The following DAB1 variants were observed in gnomAD, a reference collection of about 807,000 sequenced individuals.
DAB1 encodes disabled homolog 1.
Under a neutral mutation model 64.6 loss-of-function variants are expected in DAB1, and 15 were observed. That is an observed-to-expected ratio of 0.23 (90% CI 0.16 to 0.36). DAB1 has a LOEUF of 0.36. DAB1 is among the 10% of genes least tolerant of loss of function. The pLI is 1.00. For missense variants in DAB1, 596 were observed against 706.7 expected (o/e 0.84, Z 1.78); for synonymous variants, 235 against 251.9 (o/e 0.93, Z 0.64).
intron 5 of DAB1, among the ~76,000 whole-genome samples, chr1:57,948,561 C>T (rs1241341793): frequency 2.6e-5 from 4 of 152,270 alleles, no homozygotes; most frequent in East Asian, 3.9e-4. Context: ...TGAGTCTAGT[C>T]GATTCTAGCC....
Position 58,083,092 on chromosome 1 carries a change from G to A in DAB1, n.387+67419C>T, listed in dbSNP as rs1239207822. 2.6e-5 allele frequency among the ~76,000 whole-genome samples: 4 copies of A among 152,258 alleles called. No individual in the cohort carries two copies. In the South Asian group the frequency reaches 6.2e-4, roughly 24 times the overall value. On this transcript the variant is annotated intron_variant and non_coding_transcript_variant, in intron 5 of 20. Coordinates refer to the DAB1 transcript ENST00000485760. Reference sequence around the variant, plus strand: ...TTTCTCCTCAGCTCTGAGTGAAGGCGCAAACATTTCTTTACATCTTTTCCC... The same window carrying A: ...TTTCTCCTCAGCTCTGAGTGAAGGCACAAACATTTCTTTACATCTTTTCCC...
chr1:58,171,967 T>A (rs533114), intron 4 of DAB1, among the ~76,000 whole-genome samples: 80,205 of 152,148 alleles, frequency 0.53, 23,655 homozygotes, highest in East Asian at 0.86. Context: ...TACAGCCTGT[T>A]CTGGCTTATC....
intron 5 of DAB1, among the ~76,000 whole-genome samples, chr1:58,065,355 T>A (rs1485622331): frequency 6.6e-6 from 1 of 152,248 alleles, no homozygotes; most frequent in African/African-American, 2.4e-5. Context: ...ATAAGAATCT[T>A]ATATTTTAGC....
chr1:58,049,169 CG>C, intron 5 of DAB1: 3 of 778,306 alleles, frequency 3.9e-6, no homozygotes, highest in Non-Finnish European at 2.3e-6. Flanking sequence ...CCACACAGTC[CG>C]TGAGCGTTCC....
intron 7 of DAB1, among the ~76,000 whole-genome samples, chr1:57,540,088 C>T (rs750466573): frequency 2.0e-5 from 3 of 152,168 alleles, no homozygotes; most frequent in Non-Finnish European, 4.4e-5. Flanking sequence ...CTACTATGGG[C>T]CAAGCTCTGG....
At chr1:57,279,581 T>C (rs1033775754) in intron 2 of DAB1, among the ~76,000 whole-genome samples, 2 of 152,176 alleles carry the variant, frequency 1.3e-5, no homozygotes, top group African/African-American at 4.8e-5. Context: ...AAATGTCCAC[T>C]GATGGATGAA....
intron 7 of DAB1, among the ~76,000 whole-genome samples, chr1:57,471,400 G>A (rs1687128803): frequency 6.6e-6 from 1 of 152,128 alleles, no homozygotes; most frequent in African/African-American, 2.4e-5. Context: ...AATGTCCAAT[G>A]CACTTCATAA....
chr1:57,626,912 C>T (rs1382862741), intron 7 of DAB1, among the ~76,000 whole-genome samples: 1 of 152,188 alleles, frequency 6.6e-6, no homozygotes, highest in African/African-American at 2.4e-5. Context: ...GTGGGGGAAA[C>T]ATCAACTTTC....
At position 57,827,577 on chromosome 1, in the gene DAB1, C is replaced by T. The variant is rs559652393; in HGVS notation, n.88-1122G>A. On this transcript the variant is annotated intron_variant and non_coding_transcript_variant, in intron 1 of 1. Transcript: ENST00000477280. ...AAGATTTAACACAGTGCCAGGAGTG[C>T]CAGGCAATACTTGGTACTCAATAAT... Among the ~76,000 whole-genome samples, 13 of 152,228 alleles carry T rather than the reference C, an allele frequency of 8.5e-5. No homozygotes were observed. The South Asian group carries it at 2.1e-3, about 24-fold the overall frequency.
At chr1:58,064,748 A>G (rs11207163) in intron 5 of DAB1, among the ~76,000 whole-genome samples, 22,057 of 151,906 alleles carry the variant, frequency 0.15, 1,790 homozygotes, top group East Asian at 0.31. Context: ...TTGAGACGGA[A>G]TCTCGCTCTG....
intron 7 of DAB1, among the ~76,000 whole-genome samples, chr1:57,629,140 T>A (rs1645957547): frequency 6.6e-6 from 1 of 152,182 alleles, no homozygotes; most frequent in African/African-American, 2.4e-5. Flanking sequence ...ACTCATACAA[T>A]TCTTATGAGT....
chr1:57,928,425 T>C (rs1305307152), intron 5 of DAB1, among the ~76,000 whole-genome samples: 1 of 152,166 alleles, frequency 6.6e-6, no homozygotes, highest in East Asian at 1.9e-4. Context: ...GTACATTTGT[T>C]ACAATTCATG....
chr1:57,213,596 G>A (rs936125553), intron 2 of DAB1, among the ~76,000 whole-genome samples: 3 of 152,120 alleles, frequency 2.0e-5, no homozygotes, highest in African/African-American at 7.2e-5. Context: ...TAATAATCAC[G>A]TTTTCTTTCT....
intron 6 of DAB1, among the ~76,000 whole-genome samples, chr1:57,771,893 T>G (rs1380952595): frequency 6.6e-6 from 1 of 152,156 alleles, no homozygotes; most frequent in Non-Finnish European, 1.5e-5. Context: ...CTCACCATAG[T>G]AATTTTGAGG....
chr1:57,334,789 A>C (rs1676949134), intron 1 of DAB1, among the ~76,000 whole-genome samples: 1 of 152,210 alleles, frequency 6.6e-6, no homozygotes, highest in Non-Finnish European at 1.5e-5. Context: ...GGATGGGTGA[A>C]CCTGCCTAAG....
chr1:57,982,955 A>G (rs1557594009), intron 5 of DAB1, among the ~76,000 whole-genome samples: 1 of 152,196 alleles, frequency 6.6e-6, no homozygotes, highest in Non-Finnish European at 1.5e-5. Context: ...CCAAAGAGAA[A>G]ACGAAGGCTC....
At chr1:58,341,032 T>A (rs1048230360) in intron 4 of DAB1, among the ~76,000 whole-genome samples, 2 of 152,090 alleles carry the variant, frequency 1.3e-5, no homozygotes, top group African/African-American at 4.8e-5. Context: ...TCAATTTCTA[T>A]CCATACATTC....
intron 1 of DAB1, among the ~76,000 whole-genome samples, chr1:57,410,621 C>T (rs1173229275): frequency 6.6e-6 from 1 of 152,210 alleles, no homozygotes; most frequent in Non-Finnish European, 1.5e-5. Context: ...GCCCCTCTTA[C>T]TCCTAGCCGT....
chr1:57,431,965 T>C (rs1277354181), intron 7 of DAB1, among the ~76,000 whole-genome samples: 1 of 151,938 alleles, frequency 6.6e-6, no homozygotes, highest in African/African-American at 2.4e-5. Flanking sequence ...CTACTAAAAA[T>C]ACAAAAATTA....
Sources: gnomAD v4.1 joint callset for allele counts (sites outside exome capture counted in the v4.1 genomes callset) on GRCh38, gnomAD v4.1.1 for gene constraint, MANE v1.5 for transcripts, NCBI Gene and HGNC (gene_info 2026-07-23, HGNC 2026-07-21) for gene names.